The following FCRL1 variants were observed in gnomAD, a reference collection of about 807,000 sequenced individuals.
FCRL1 encodes the protein Fc receptor-like protein 1.
Under a neutral mutation model 49.2 loss-of-function variants are expected in FCRL1, and 34 were observed. That is an observed-to-expected ratio of 0.69 (90% CI 0.53 to 0.92). The LOEUF is 0.92. FCRL1 is among the 40% of genes least tolerant of loss of function. The probability of loss-of-function intolerance (pLI) is 0.00; values close to 1 mark genes in which losing one functional copy is unlikely to be tolerated. For missense variants in FCRL1, 524 were observed against 524.1 expected, an observed-to-expected ratio of 1.00 and a Z score of 0.00; for synonymous variants, 218 against 201.6, an observed-to-expected ratio of 1.08 and a Z score of -0.69.
At chr1:157,811,591 A>G (rs1654324850) in intron 1 of FCRL1, among the ~76,000 whole-genome samples, 1 of 152,144 alleles carries the variant, frequency 6.6e-6, no homozygotes, top group Non-Finnish European at 1.5e-5. Context: ...ATATGGCTGC[A>G]TTATTCTAGA....
At chr1:157,806,819 C>T (rs1653532118) in intron 2 of FCRL1, 1 of 337,662 alleles carries the variant, frequency 3.0e-6, no homozygotes, top group African/African-American at 2.1e-5. Flanking sequence ...GTGTCTCCCT[C>T]CCTGTGCTGG....
chr1:157,796,012 G>T lies in FCRL1; in HGVS notation c.*87C>A. 9.1e-7 allele frequency: 1 copy of T among 1,100,834 alleles called. No homozygotes were observed. The highest frequency in any genetic ancestry group is 1.4e-6 in the Non-Finnish European group (1 of 715,408). The allele number at this position is 1,100,834 out of a possible 1,614,324, so 68.2% of individuals were successfully genotyped here. On this transcript the variant is annotated 3_prime_UTR_variant, in exon 11 of 11. Transcript: ENST00000368176. ...GCATCCAGAAGAGGTATACTGGAAA[G>T]CTAATGCCCCAGGATCTCTGAAGAA... is the stretch of plus-strand genomic sequence containing the variant.
At chr1:157,811,316 T>C (rs781750752) in intron 1 of FCRL1, among the ~76,000 whole-genome samples, 4 of 152,176 alleles carry the variant, frequency 2.6e-5, no homozygotes, top group Non-Finnish European at 4.4e-5. Context: ...GGCAGAAATC[T>C]TGTGGATCAC....
chr1:157,809,723 G>C (rs1050919667), intron 1 of FCRL1, among the ~76,000 whole-genome samples: 4 of 152,110 alleles, frequency 2.6e-5, no homozygotes, highest in African/African-American at 9.7e-5. Context: ...GCCTCCCAAA[G>C]TCCTGGGATT....
chr1:157,805,218 C>T (rs1417074719), intron 2 of FCRL1, among the ~76,000 whole-genome samples: 1 of 152,102 alleles, frequency 6.6e-6, no homozygotes, highest in African/African-American at 2.4e-5. Context: ...CTCGTCTCCC[C>T]AACTTGCAGC....
intron 6 of FCRL1, among the ~76,000 whole-genome samples, chr1:157,800,666 A>T (rs1652292880): frequency 1.3e-5 from 2 of 152,210 alleles, no homozygotes; most frequent in African/African-American, 4.8e-5. Flanking sequence ...ACGCCAGGTG[A>T]AGCCTCTTGG....
rs1652935513 is a variant in FCRL1, at chr1:157,803,834, C to T, written c.319+11G>A. On this transcript the variant is annotated intron_variant, in intron 3 of 10. Coordinates refer to ENST00000368176, the MANE Select transcript of FCRL1 (RefSeq NM_052938.5). ...AGCCTATCCTGGCAGACTGACCCCA[C>T]TGACACTCACTGTGCACATTTATCT... 6.2e-7 allele frequency: 1 copy of T among 1,611,526 alleles called. No individual in the cohort carries two copies. Among genetic ancestry groups the T allele is most frequent in the Non-Finnish European group, 8.5e-7 (1 of 1,178,126 alleles).
intron 9 of FCRL1, chr1:157,797,579 G>C: frequency 1.6e-6 from 1 of 636,990 alleles, no homozygotes; most frequent in Non-Finnish European, 2.7e-6. Flanking sequence ...TACCTCCATC[G>C]TGTTGGGAGG....
intron 2 of FCRL1, 195 bp downstream of exon 2, chr1:157,806,905 CAG>C (rs1014400352): frequency 7.1e-6 from 4 of 561,606 alleles, no homozygotes; most frequent in East Asian, 3.0e-5. Context: ...AGACACGTGT[CAG>C]GTGCAGAGAC....
In FCRL1 at chr1:157,802,055, A is replaced by G; in HGVS notation, c.746T>C (p.Leu249Pro). ...TCCAGAGGGGGCCGACCTGCTCCCC[A>G]GGGTGATATCCTCGTGATAAAACCA... ...LYWFYHEDIT[L>P]GSRSAPSGGG... Residue 249 changes from leucine (L) to proline (P), a missense_variant, in exon 5 of 11, where the codon CTG (leucine) becomes CCG (proline). By Grantham distance (98) the Leu-to-Pro change is moderately conservative. Transcript: ENST00000368176. 6.2e-7 allele frequency: 1 copy of G among 1,614,202 alleles called. No homozygotes were observed. The highest frequency in any genetic ancestry group is 8.5e-7 in the Non-Finnish European group (1 of 1,180,014).
In FCRL1 at chr1:157,796,137, C is replaced by A. The variant is rs1651429157; in HGVS notation, c.1252G>T (p.Ala418Ser). 6.2e-7 allele frequency: 1 copy of A among 1,614,072 alleles called. No homozygotes were observed. The highest frequency in any genetic ancestry group is 8.5e-7 in the Non-Finnish European group (1 of 1,179,958). ...TCATAGTCCACATCTGTAATGTTTGCTTTCCTCAGCCTGGAATAGATGTCT... is the reference window on the plus strand; with the variant it reads ...TCATAGTCCACATCTGTAATGTTTGATTTCCTCAGCCTGGAATAGATGTCT... ...SLDIYSRLRKANITDVDYEDA... is the reference protein window; with the variant it reads ...SLDIYSRLRKSNITDVDYEDA... Residue 418 changes from alanine (A) to serine (S), a missense_variant, in exon 11 of 11, where the codon GCA (alanine) becomes TCA (serine). By Grantham distance (99) the Ala-to-Ser change is moderately conservative. Transcript: ENST00000368176.
Position 157,804,252 on chromosome 1 carries a change from C to CT in FCRL1, c.53-142_53-141insA, listed in dbSNP as rs907542214. ...GGCCACCCTACATGTCTCCACCCCCCCCCCAGTGGCCCATGGGCTTTCCTT... is the reference window on the plus strand; with the variant it reads ...GGCCACCCTACATGTCTCCACCCCCCTCCCCAGTGGCCCATGGGCTTTCCTT... On this transcript the variant is annotated intron_variant, in intron 2 of 10. Coordinates refer to ENST00000368176, the MANE Select transcript of FCRL1 (RefSeq NM_052938.5). The CT allele has an allele frequency of 4.3e-6, 4 of 940,662 alleles. No homozygotes were observed. The African/African-American group carries it at 7.0e-5, about 16-fold the overall frequency. 58.3% of individuals were successfully genotyped at this position (940,662 alleles called of 1,614,324 possible).
intron 8 of FCRL1, 39 bp from the exon 9 acceptor site, chr1:157,797,978 G>A (rs1402424403): frequency 1.9e-6 from 3 of 1,598,800 alleles, no homozygotes; most frequent in African/African-American, 2.7e-5. Flanking sequence ...CACAGCCCCT[G>A]ATTCCTGTCT....
At chr1:157,802,265 G>A (rs1652643573) in intron 4 of FCRL1, 72 bp from the exon 5 acceptor site, 16 of 1,575,444 alleles carry the variant, frequency 1.0e-5, no homozygotes, top group Non-Finnish European at 1.4e-5. Flanking sequence ...GCCCACCGAT[G>A]CTCAGCCCCA....
At position 157,795,321 on chromosome 1, in the gene FCRL1, T is replaced by A. The variant is rs1268013011; in HGVS notation, c.*778A>T. 1.3e-5 allele frequency: 2 copies of A among 152,096 alleles called. No homozygotes were observed. The highest frequency in any genetic ancestry group is 2.9e-5 in the Non-Finnish European group (2 of 68,018). The allele number at this position is 152,096 out of a possible 1,614,324, so 9.4% of individuals were successfully genotyped here. A position where few individuals can be genotyped will look rare whatever the true frequency, so the allele number is the denominator to read the frequency against. On this transcript the variant is annotated 3_prime_UTR_variant, in exon 11 of 11. Coordinates refer to ENST00000368176, the MANE Select transcript of FCRL1 (RefSeq NM_052938.5). ...AGTGAGGCAAGATTGTGCCACTGCA[T>A]TCCAGATTGAGTGACAGAGTGAGAC...
intron 2 of FCRL1, among the ~76,000 whole-genome samples, chr1:157,804,659 C>T (rs1271054632): frequency 6.6e-6 from 1 of 152,136 alleles, no homozygotes; most frequent in African/African-American, 2.4e-5. Flanking sequence ...CCCCTCATTG[C>T]TGACTCTGTC....
intron 1 of FCRL1, among the ~76,000 whole-genome samples, chr1:157,812,037 A>G (rs1470905119): frequency 6.6e-6 from 1 of 152,154 alleles, no homozygotes; most frequent in Non-Finnish European, 1.5e-5. Context: ...CATATGACCC[A>G]GTCAGGCATC....
chr1:157,806,467 C>A (rs1186473675), intron 2 of FCRL1, among the ~76,000 whole-genome samples: 1 of 152,190 alleles, frequency 6.6e-6, no homozygotes, highest in Non-Finnish European at 1.5e-5. Context: ...GGATTGCTTA[C>A]TCTCCTTCTT....
At position 157,802,128 on chromosome 1, in the gene FCRL1, G is replaced by A. The variant is rs145089561; in HGVS notation, c.673C>T (p.Leu225=). Residue 225 remains leucine (L), a synonymous_variant, in exon 5 of 11, where the codon CTG becomes TTG. Transcript: ENST00000368176. ...PRAQAAVEDV[L]ELHCEALRGS... ...CTCAGGGCCTCACAGTGAAGCTCCA[G>A]CACATCCTCCACTGCAGCCTGGGCC... 176 of 1,614,230 alleles carry A rather than the reference G, an allele frequency of 1.1e-4. No homozygotes were observed. In the African/African-American group the frequency reaches 1.9e-3, roughly 18 times the overall value.
Sources: allele counts gnomAD v4.1 joint callset (sites outside exome capture counted in the v4.1 genomes callset), GRCh38; gene constraint gnomAD v4.1.1; transcripts MANE v1.5; gene names NCBI Gene and HGNC (gene_info 2026-07-23, HGNC 2026-07-21).